NELFA: variants seen among roughly 807,000 people sequenced by gnomAD.
NELFA encodes negative elongation factor complex member A.
A neutral mutation model predicts 51.8 loss-of-function variants in NELFA; 35 were observed. The observed-to-expected ratio is 0.68, with a 90% CI of 0.52 to 0.90. The LOEUF (loss-of-function observed/expected upper bound fraction) is 0.90, where lower values mean the gene tolerates loss of function less well. NELFA is among the 40% of genes least tolerant of loss of function. NELFA has a pLI of 0.00. For missense variants in NELFA, 658 were observed against 746.4 expected, an observed-to-expected ratio of 0.88 and a Z score of 1.38; for synonymous variants, 417 against 338.4, an observed-to-expected ratio of 1.23 and a Z score of -2.55.
At chr4:1,986,541 C>A in intron 4 of NELFA, 139 bp from the exon 5 acceptor site, 1 of 1,348,996 alleles carries the variant, frequency 7.4e-7, no homozygotes, top group Non-Finnish European at 1.0e-6. Context: ...GCGGGCAGGA[C>A]CCCCAGGATC....
intron 1 of NELFA, among the ~76,000 whole-genome samples, chr4:2,007,663 G>A (rs887867156): frequency 6.6e-6 from 1 of 152,210 alleles, no homozygotes; most frequent in Non-Finnish European, 1.5e-5. Context: ...GGGAAAGGAA[G>A]AAGGCCGTGA....
chr4:1,990,056 G>T, intron 2 of NELFA, 187 bp from the exon 3 acceptor site: 1 of 640,644 alleles, frequency 1.6e-6, no homozygotes, highest in Non-Finnish European at 2.7e-6. Flanking sequence ...AGCATTTGCA[G>T]AACAGGAATG....
rs935669651 is a variant in NELFA, at chr4:1,989,091, A to G, written c.544+617T>C. Reference sequence around the variant, plus strand: ...CTCCCAAGCAACTGGGATTACAGGCATGCACCACCACAGCCAGCTAATTTT... The same window carrying G: ...CTCCCAAGCAACTGGGATTACAGGCGTGCACCACCACAGCCAGCTAATTTT... On this transcript the variant is annotated intron_variant, in intron 3 of 10. Transcript: ENST00000382882. The surrounding 1 kb of genome is among the most constrained non-coding windows in gnomAD (Gnocchi z 4.8). Among the ~76,000 whole-genome samples the G allele has an allele frequency of 1.3e-5, 2 of 152,048 alleles. No homozygotes were observed. The highest frequency in any genetic ancestry group is 6.5e-5 in the Admixed American group (1 of 15,270).
At chr4:1,996,267 AC>A (rs1728420173) in intron 1 of NELFA, among the ~76,000 whole-genome samples, 1 of 152,230 alleles carries the variant, frequency 6.6e-6, no homozygotes, top group African/African-American at 2.4e-5. Context: ...AAATTATGAA[AC>A]ATTTCTAAAT....
At chr4:2,004,188 A>T (rs909997000) in intron 1 of NELFA, 1 of 152,158 alleles carries the variant, frequency 6.6e-6, no homozygotes, top group Non-Finnish European at 1.5e-5. Flanking sequence ...AGAAGAAGAA[A>T]AAAGAAAACA....
intron 1 of NELFA, chr4:1,992,732 C>T: frequency 5.2e-6 from 1 of 192,180 alleles, no homozygotes; most frequent in East Asian, 1.9e-4. Flanking sequence ...GAGGACCTTC[C>T]AGCGCTTCCC....
At chr4:1,992,332 G>A (rs1728296465) in intron 1 of NELFA, 2 of 264,716 alleles carry the variant, frequency 7.6e-6, no homozygotes, top group Admixed American at 5.8e-5. Flanking sequence ...TCTGGAGTGA[G>A]GCCAGGGCCT....
At chr4:2,001,487 C>T (rs1728564758) in intron 1 of NELFA, among the ~76,000 whole-genome samples, 1 of 152,044 alleles carries the variant, frequency 6.6e-6, no homozygotes, top group African/African-American at 2.4e-5. Flanking sequence ...AATAGGCAAG[C>T]AGAGAGCCAA....
rs1486953999 is a variant in NELFA at position 1,984,758 on chromosome 4, T to C, written c.1036+50A>G. 5.7e-6 allele frequency: 8 copies of C among 1,399,624 alleles called. No homozygotes were observed. The African/African-American group carries it at 7.1e-5, about 12-fold the overall frequency. 86.7% of individuals were successfully genotyped at this position (1,399,624 alleles called of 1,614,324 possible). ...CTGGCAGCGCCCGTGGGCAAGGTCA[T>C]GTCCTGGCAGGCAGCTTGGCTGGTT... On this transcript the variant is annotated intron_variant, in intron 8 of 10. Transcript: ENST00000382882.
chr4:2,001,326 G>C lies in NELFA; in HGVS notation c.210+7424C>G, dbSNP rs141086599. 2.1e-3 allele frequency among the ~76,000 whole-genome samples: 324 copies of C among 152,278 alleles called. 3 individuals carry two copies. Among genetic ancestry groups the C allele is most frequent in the South Asian group, 8.1e-3 (39 of 4,828 alleles). ...ATTAGGCAAGAGAAAGAAATAAAGA[G>C]TATTCAAATAGGAAGAGAGGAAGTC... On this transcript the variant is annotated intron_variant, in intron 1 of 10. Transcript: ENST00000382882.
intron 1 of NELFA, among the ~76,000 whole-genome samples, chr4:1,994,432 G>T (rs1018332241): frequency 1.3e-5 from 2 of 152,054 alleles, no homozygotes; most frequent in African/African-American, 4.8e-5. Context: ...AGGCATGGTG[G>T]TGCACTCCTG....
intron 2 of NELFA, chr4:1,990,338 T>G (rs1230333202): frequency 4.4e-6 from 2 of 454,772 alleles, no homozygotes; most frequent in Non-Finnish European, 8.9e-6. Context: ...TCAGCCTGTG[T>G]GCTCACCCAC....
intron 1 of NELFA, among the ~76,000 whole-genome samples, chr4:1,992,908 C>T (rs1187509769): frequency 3.3e-5 from 5 of 152,236 alleles, no homozygotes; most frequent in Admixed American, 3.3e-4. Flanking sequence ...CCAGCCCCTT[C>T]TGTTCCTTGG....
At chr4:2,005,745 A>G (rs1320784767) in intron 1 of NELFA, among the ~76,000 whole-genome samples, 1 of 152,168 alleles carries the variant, frequency 6.6e-6, no homozygotes, top group Non-Finnish European at 1.5e-5. Flanking sequence ...GCATTTCTAT[A>G]TACCAGCAAC....
intron 1 of NELFA, chr4:2,007,829 C>G (rs974361668): frequency 5.4e-6 from 2 of 372,690 alleles, no homozygotes; most frequent in South Asian, 2.0e-5. Flanking sequence ...CAATTACAAC[C>G]TATAATAGCT....
Position 1,989,856 on chromosome 4 carries a change from T to C in NELFA, c.396A>G (p.Glu132=). ...GELREKVGEC[E]ASAMLPLECQ... ...ACTCCAGTGGCAGCATGGCAGACGC[T>C]TCACACTCACCCACTGCCGGTAAGA... is the stretch of plus-strand genomic sequence containing the variant. Residue 132 remains glutamate (E), a synonymous_variant, in exon 3 of 11, where the codon GAA becomes GAG. Coordinates refer to ENST00000382882, the MANE Select transcript of NELFA (RefSeq NM_005663.5). This position sits in a 1 kb window ranked among gnomAD's most constrained non-coding sequence, Gnocchi z 4.8. The C allele has an allele frequency of 6.2e-7, 1 of 1,613,738 alleles. No homozygotes were observed. Among genetic ancestry groups the C allele is most frequent in the Non-Finnish European group, 8.5e-7 (1 of 1,179,892 alleles).
intron 1 of NELFA, 132 bp from the exon 2 acceptor site, chr4:1,991,847 G>A (rs1728278013): frequency 1.1e-6 from 1 of 911,128 alleles, no homozygotes; most frequent in Middle Eastern, 3.5e-4. Flanking sequence ...TCCTCCTGAG[G>A]GCTCCCCTTC....
chr4:1,989,268 A>G lies in NELFA; in HGVS notation c.544+440T>C, dbSNP rs953486119. Among the ~76,000 whole-genome samples, 1 of 152,134 alleles carries G rather than the reference A, an allele frequency of 6.6e-6. No homozygotes were observed. The highest frequency in any genetic ancestry group is 1.9e-4 in the East Asian group (1 of 5,182). ...GCCTAAATTCTGAAGTTTTTAAAGC[A>G]TGTTTTCAGAACATAAAGTTTAATA... On this transcript the variant is annotated intron_variant, in intron 3 of 10. Transcript: ENST00000382882. The surrounding 1 kb of genome is among the most constrained non-coding windows in gnomAD (Gnocchi z 4.8).
intron 1 of NELFA, among the ~76,000 whole-genome samples, chr4:2,005,771 C>A (rs1326623433): frequency 1.3e-5 from 2 of 152,070 alleles, no homozygotes; most frequent in Non-Finnish European, 2.9e-5. Context: ...AAAACTAAGA[C>A]TTTAACAGAT....
Sources: allele counts gnomAD v4.1 joint callset (sites outside exome capture counted in the v4.1 genomes callset), GRCh38; gene constraint gnomAD v4.1.1; non-coding constraint Gnocchi (gnomAD v3.1); transcripts MANE v1.5; gene names NCBI Gene and HGNC (gene_info 2026-07-23, HGNC 2026-07-21).